Variants in CPO observed in about 807,000 individuals in gnomAD.
The protein encoded by CPO is carboxypeptidase O.
CPO carries 43 observed loss-of-function variants against 41.2 expected under a neutral mutation model. The ratio of observed to expected loss-of-function variants is 1.04; its 90% confidence interval spans 0.82 to 1.35. The LOEUF is 1.35. Ranked by LOEUF, CPO falls within the 40% of genes most tolerant of loss-of-function variation. CPO has a pLI of 0.00. For synonymous variants in CPO, 178 were observed against 162.7 expected (o/e 1.09, Z -0.72); for missense variants, 408 against 451.7 (o/e 0.90, Z 0.88).
chr2:206,952,499 T>C (rs1693283495), intron 2 of CPO, among the ~76,000 whole-genome samples: 1 of 152,238 alleles, frequency 6.6e-6, no homozygotes, highest in Non-Finnish European at 1.5e-5. Context: ...GAAATGCTGA[T>C]GATTGTCTGA....
chr2:206,944,855 G>T (rs1313978562), intron 1 of CPO, among the ~76,000 whole-genome samples: 1 of 151,946 alleles, frequency 6.6e-6, no homozygotes, highest in South Asian at 2.1e-4. Flanking sequence ...AATAAAATTA[G>T]GACTTACATA....
intron 3 of CPO, 111 bp from the exon 4 acceptor site, chr2:206,958,190 A>G (rs1693406971): frequency 8.7e-6 from 5 of 574,470 alleles, no homozygotes; most frequent in South Asian, 8.4e-5. Flanking sequence ...TTGAAACCAC[A>G]GAGTGGAGTG....
intron 5 of CPO, 71 bp from the exon 6 acceptor site, chr2:206,960,781 C>A: frequency 9.6e-7 from 1 of 1,042,154 alleles, no homozygotes; most frequent in Non-Finnish European, 1.5e-6. Flanking sequence ...GTTCAAGGAC[C>A]ACCTATCATC....
chr2:206,959,306 A>G (rs1693434334), intron 4 of CPO, among the ~76,000 whole-genome samples: 1 of 152,226 alleles, frequency 6.6e-6, no homozygotes, highest in Non-Finnish European at 1.5e-5. Flanking sequence ...ATCAATACCA[A>G]CTGCAAACTT....
intron 8 of CPO, 59 bp from the exon 9 acceptor site, chr2:206,969,115 T>C (rs770199489): frequency 1.5e-5 from 23 of 1,563,626 alleles, no homozygotes; most frequent in East Asian, 2.3e-5. Context: ...GAAATGGCTA[T>C]AGAAATCCAT....
At chr2:206,961,202 C>A (rs1261930985) in intron 6 of CPO, among the ~76,000 whole-genome samples, 1 of 152,110 alleles carries the variant, frequency 6.6e-6, no homozygotes, top group African/African-American at 2.4e-5. Context: ...TATTTCAAAT[C>A]CATCCCTTTG....
In CPO at chr2:206,939,531, A is replaced by G. The variant is rs966492329; in HGVS notation, c.-69A>G. 33 of 1,259,148 alleles carry G rather than the reference A, an allele frequency of 2.6e-5. No homozygotes were observed. Among genetic ancestry groups the G allele is most frequent in the Non-Finnish European group, 1.0e-5 (9 of 862,392 alleles). The allele number at this position is 1,259,148 out of a possible 1,614,324, so 78.0% of individuals were successfully genotyped here. A position where few individuals can be genotyped will look rare whatever the true frequency, so the allele number is the denominator to read the frequency against. On this transcript the variant is annotated 5_prime_UTR_variant, in exon 1 of 9. Coordinates refer to ENST00000272852, the MANE Select transcript of CPO (RefSeq NM_173077.3). ...ATTGTGGGAGCCACAGTCTTGATGCATTCATTCTCAAGGACACTTGATCCA... is the reference window on the plus strand; with the variant it reads ...ATTGTGGGAGCCACAGTCTTGATGCGTTCATTCTCAAGGACACTTGATCCA...
At chr2:206,955,857 A>G (rs1283824394) in intron 3 of CPO, among the ~76,000 whole-genome samples, 1 of 152,154 alleles carries the variant, frequency 6.6e-6, no homozygotes, top group African/African-American at 2.4e-5. Context: ...TCATGCTTCA[A>G]CTAGAGCTAG....
intron 1 of CPO, among the ~76,000 whole-genome samples, chr2:206,946,667 A>T (rs966056508): frequency 6.6e-6 from 1 of 152,172 alleles, no homozygotes; most frequent in South Asian, 2.1e-4. Context: ...AAGAAATAAT[A>T]CTGTATTTGT....
chr2:206,946,280 C>A (rs1693143920), intron 1 of CPO, among the ~76,000 whole-genome samples: 1 of 152,082 alleles, frequency 6.6e-6, no homozygotes, highest in South Asian at 2.1e-4. Context: ...GAATTAGACA[C>A]CACAACCAAG....
chr2:206,951,307 G>C (rs1214245038), intron 2 of CPO, among the ~76,000 whole-genome samples: 3 of 152,188 alleles, frequency 2.0e-5, no homozygotes, highest in Non-Finnish European at 2.9e-5. Flanking sequence ...ATTAAGATAA[G>C]TTTGGTGGTT....
chr2:206,959,665 G>A lies in CPO; in HGVS notation c.407G>A (p.Arg136His), dbSNP rs371902561. Residue 136 changes from arginine (R) to histidine (H), a missense_variant, in exon 5 of 9, where the codon CGC becomes CAC. Transcript: ENST00000272852. ...LQNHKDNSSI[R>H]KLLRNLDFYV... ...AACCATAAAGACAACTCAAGTATAC[G>A]CAAGCTCCTTAGGAACCTGGACTTC... The A allele has an allele frequency of 2.2e-5, 34 of 1,557,132 alleles. No homozygotes were observed. The highest frequency in any genetic ancestry group is 2.7e-5 in the African/African-American group (2 of 73,632).
intron 7 of CPO, among the ~76,000 whole-genome samples, chr2:206,964,743 G>A (rs1206889897): frequency 1.3e-5 from 2 of 152,178 alleles, no homozygotes; most frequent in East Asian, 3.8e-4. Flanking sequence ...CAGTTTCAGG[G>A]ATATTTGTTG....
At chr2:206,968,526 A>G (rs1693626808) in intron 8 of CPO, among the ~76,000 whole-genome samples, 179 bp downstream of exon 8, 1 of 152,176 alleles carries the variant, frequency 6.6e-6, no homozygotes, top group Non-Finnish European at 1.5e-5. Flanking sequence ...TATACTCTCT[A>G]GGGATAAGGT....
At chr2:206,962,679 T>C in intron 7 of CPO, 65 bp downstream of exon 7, 1 of 1,351,942 alleles carries the variant, frequency 7.4e-7, no homozygotes, top group Non-Finnish European at 1.1e-6. Context: ...CTTTTTCTGA[T>C]TTCCATTTCC....
chr2:206,960,474 T>C (rs1355886957), intron 5 of CPO, among the ~76,000 whole-genome samples: 1 of 152,216 alleles, frequency 6.6e-6, no homozygotes, highest in Non-Finnish European at 1.5e-5. Context: ...ATGGTCTTTT[T>C]CCATCTGTCA....
intron 3 of CPO, among the ~76,000 whole-genome samples, chr2:206,957,601 A>G (rs1693394460): frequency 6.6e-6 from 1 of 152,182 alleles, no homozygotes; most frequent in Admixed American, 6.5e-5. Flanking sequence ...TTACAAATCC[A>G]AAACAGATGT....
rs139977241 is a variant in CPO at position 206,964,768 on chromosome 2, C to T, written c.777+2154C>T. Among the ~76,000 whole-genome samples the T allele has an allele frequency of 1.4e-3, 216 of 152,302 alleles. 3 individuals are homozygous for T. The East Asian group carries it at 0.03, about 21-fold the overall frequency. ...GATATTTGTTGTAGATTCCTACTTT[C>T]TGCTTAAAGGGATCTGTGACAAACA... On this transcript the variant is annotated intron_variant, in intron 7 of 8. Coordinates refer to ENST00000272852, the MANE Select transcript of CPO (RefSeq NM_173077.3).
chr2:206,940,614 A>G (rs1693010315), intron 1 of CPO, among the ~76,000 whole-genome samples: 1 of 151,928 alleles, frequency 6.6e-6, no homozygotes, highest in Non-Finnish European at 1.5e-5. Flanking sequence ...AATACATTCT[A>G]TTGAAATCTG....
Sources: allele counts gnomAD v4.1 joint callset (sites outside exome capture counted in the v4.1 genomes callset), GRCh38; gene constraint gnomAD v4.1.1; transcripts MANE v1.5; gene names NCBI Gene and HGNC (gene_info 2026-07-23, HGNC 2026-07-21).